RASAL2: variants seen among roughly 807,000 people sequenced by gnomAD.
The protein encoded by RASAL2 is RAS protein activator like 2.
In RASAL2, 58 loss-of-function variants were observed where a neutral mutation model predicts 128.9. The observed-to-expected ratio is 0.45, with a 90% CI of 0.36 to 0.56. The LOEUF (loss-of-function observed/expected upper bound fraction) is 0.56, where lower values mean the gene tolerates loss of function less well. Among genes scored for constraint, RASAL2 ranks in the 20% least tolerant of loss-of-function variants. The probability of loss-of-function intolerance (pLI) is 0.00; values close to 1 mark genes in which losing one functional copy is unlikely to be tolerated. For missense variants in RASAL2, 1,360 were observed against 1,601.6 expected (o/e 0.85, Z 2.57); for synonymous variants, 561 against 580.8 (o/e 0.97, Z 0.49).
At chr1:178,356,216 C>T (rs538801190) in intron 3 of RASAL2, among the ~76,000 whole-genome samples, 8 of 150,624 alleles carry the variant, frequency 5.3e-5, no homozygotes, top group Admixed American at 1.3e-4. Context: ...ACATAATCTC[C>T]AGATTGGCTA....
intron 1 of RASAL2, among the ~76,000 whole-genome samples, chr1:178,135,174 C>T (rs1205849035): frequency 6.6e-6 from 1 of 152,032 alleles, no homozygotes; most frequent in Non-Finnish European, 1.5e-5. Flanking sequence ...CTTAAAACGT[C>T]TATAAAGCGT....
At chr1:178,227,303 A>T (rs916767622) in intron 1 of RASAL2, among the ~76,000 whole-genome samples, 5 of 152,042 alleles carry the variant, frequency 3.3e-5, no homozygotes, top group African/African-American at 1.2e-4. Flanking sequence ...TAAGTTTCTG[A>T]ATGTTATTCC....
chr1:178,388,957 C>G (rs1397533403), intron 3 of RASAL2, among the ~76,000 whole-genome samples: 7 of 152,130 alleles, frequency 4.6e-5, no homozygotes, highest in Admixed American at 4.6e-4. Context: ...CTTGCTTGCT[C>G]TCTGCAAGCT....
intron 12 of RASAL2, chr1:178,456,426 A>G (rs1339064899): frequency 4.3e-6 from 2 of 464,282 alleles, no homozygotes; most frequent in East Asian, 7.6e-5. Flanking sequence ...TTGGAATGGC[A>G]TTAGTTTGGT....
chr1:178,467,842 G>A (rs537468637), intron 17 of RASAL2, among the ~76,000 whole-genome samples: 2 of 152,324 alleles, frequency 1.3e-5, no homozygotes, highest in African/African-American at 4.8e-5. Flanking sequence ...TTTTGCCCCA[G>A]ACAGTAATGG....
At chr1:178,408,865 C>T (rs1161020570) in intron 4 of RASAL2, among the ~76,000 whole-genome samples, 2 of 152,070 alleles carry the variant, frequency 1.3e-5, no homozygotes, top group Admixed American at 1.3e-4. Flanking sequence ...CAAAGTTCTC[C>T]TCTGCCATTT....
At chr1:178,170,585 T>G (rs1661673068) in intron 1 of RASAL2, among the ~76,000 whole-genome samples, 1 of 151,602 alleles carries the variant, frequency 6.6e-6, no homozygotes, top group South Asian at 2.1e-4. Flanking sequence ...TCTTTGGTGG[T>G]TTTTACTTGG....
At chr1:178,297,785 T>C (rs191508534) in intron 2 of RASAL2, among the ~76,000 whole-genome samples, 26 of 152,256 alleles carry the variant, frequency 1.7e-4, no homozygotes, top group African/African-American at 5.8e-4. Context: ...CATTAAAACT[T>C]TGAGAAAATA....
intron 8 of RASAL2, 68 bp downstream of exon 8, chr1:178,443,297 T>C: frequency 7.3e-7 from 1 of 1,367,904 alleles, no homozygotes; most frequent in South Asian, 1.5e-5. Context: ...AAGATATGGA[T>C]ATTGTAGAAA....
chr1:178,407,890 C>T (rs932080993), intron 4 of RASAL2, among the ~76,000 whole-genome samples: 1 of 152,164 alleles, frequency 6.6e-6, no homozygotes, highest in South Asian at 2.1e-4. Context: ...ATTTCAGTTA[C>T]CACTCATTCA....
intron 1 of RASAL2, among the ~76,000 whole-genome samples, chr1:178,132,979 G>A (rs1660178175): frequency 6.6e-6 from 1 of 151,996 alleles, no homozygotes; most frequent in South Asian, 2.1e-4. Context: ...CAGCCAGGCT[G>A]GTCTCAAACT....
At chr1:178,101,251 C>G (rs1164799122) in intron 1 of RASAL2, among the ~76,000 whole-genome samples, 1 of 152,178 alleles carries the variant, frequency 6.6e-6, no homozygotes, top group Non-Finnish European at 1.5e-5. Context: ...ATTTGCTAGA[C>G]TATGATACAG....
chr1:178,237,726 CA>C (rs1332249196), intron 1 of RASAL2, among the ~76,000 whole-genome samples: 4 of 152,322 alleles, frequency 2.6e-5, no homozygotes, highest in African/African-American at 9.6e-5. Flanking sequence ...ATAGCATGCA[CA>C]TACCAAAAAA....
At chr1:178,232,295 C>A (rs1664042684) in intron 1 of RASAL2, among the ~76,000 whole-genome samples, 2 of 152,116 alleles carry the variant, frequency 1.3e-5, no homozygotes, top group African/African-American at 2.4e-5. Flanking sequence ...CTTGCTTTAA[C>A]AAATTTTAAG....
At chr1:178,259,275 C>A (rs1033719642) in intron 1 of RASAL2, among the ~76,000 whole-genome samples, 2 of 151,112 alleles carry the variant, frequency 1.3e-5, no homozygotes, top group Admixed American at 6.6e-5. Context: ...GGACTACAGG[C>A]GCCCGCCACC....
At chr1:178,368,255 A>G (rs184622017) in intron 3 of RASAL2, among the ~76,000 whole-genome samples, 49 of 152,320 alleles carry the variant, frequency 3.2e-4, no homozygotes, top group African/African-American at 1.1e-3. Context: ...GTTAAGTTCT[A>G]TGATTTTCGG....
chr1:178,445,497 G>A, intron 8 of RASAL2, 21 bp from the exon 9 acceptor site: 1 of 1,610,062 alleles, frequency 6.2e-7, no homozygotes, highest in Non-Finnish European at 8.5e-7. Context: ...CTTTCTGCCT[G>A]ATTGAACATT....
intron 4 of RASAL2, among the ~76,000 whole-genome samples, chr1:178,415,617 C>G (rs1490419727): frequency 6.6e-6 from 1 of 151,976 alleles, no homozygotes; most frequent in Non-Finnish European, 1.5e-5. Flanking sequence ...CAACTATGTC[C>G]TCACTGATTT....
At chr1:178,210,345 T>G (rs113165801) in intron 1 of RASAL2, among the ~76,000 whole-genome samples, 4 of 152,176 alleles carry the variant, frequency 2.6e-5, no homozygotes, top group Non-Finnish European at 5.9e-5. Context: ...TCTGTTAATG[T>G]TTCTGTTAAT....
Sources: allele counts gnomAD v4.1 joint callset (sites outside exome capture counted in the v4.1 genomes callset), GRCh38; gene constraint gnomAD v4.1.1; transcripts MANE v1.5; gene names NCBI Gene and HGNC (gene_info 2026-07-23, HGNC 2026-07-21).